Variants in ERC1 observed in about 807,000 individuals in gnomAD.
ERC1 encodes the protein ELKS/RAB6-interacting/CAST family member 1.
A neutral mutation model predicts 132.0 loss-of-function variants in ERC1; 56 were observed. That is an observed-to-expected ratio of 0.42 (90% confidence interval 0.34 to 0.53). The LOEUF is 0.53. Ranked by LOEUF, ERC1 falls within the 20% of genes least tolerant of loss-of-function variation. The pLI, the probability that ERC1 is intolerant of heterozygous loss-of-function variation, is 0.03. For synonymous variants in ERC1, 478 were observed against 476.1 expected (o/e 1.00, Z -0.05); for missense variants, 1,202 against 1,349.9 (o/e 0.89, Z 1.72).
At chr12:1,317,377 G>A (rs1391166393) in intron 15 of ERC1, among the ~76,000 whole-genome samples, 1 of 151,530 alleles carries the variant, frequency 6.6e-6, no homozygotes, top group Non-Finnish European at 1.5e-5. Flanking sequence ...ACACAGGGAG[G>A]GGAACATCAC....
At chr12:1,050,743 A>G in intron 2 of ERC1, among the ~76,000 whole-genome samples, 1 of 152,162 alleles carries the variant, frequency 6.6e-6, no homozygotes, top group African/African-American at 2.4e-5. Context: ...CTATTAAGAA[A>G]AAGGTCAGGC....
intron 12 of ERC1, among the ~76,000 whole-genome samples, chr12:1,223,859 G>T (rs1485589953): frequency 5.3e-5 from 8 of 152,062 alleles, no homozygotes; most frequent in Admixed American, 3.3e-4. Context: ...ATTAGTTCAG[G>T]CAAAACAGCA....
intron 2 of ERC1, among the ~76,000 whole-genome samples, chr12:1,056,176 A>C (rs1465037769): frequency 6.6e-6 from 1 of 151,894 alleles, no homozygotes; most frequent in Non-Finnish European, 1.5e-5. Flanking sequence ...TAGGATTATT[A>C]ATTTTTCTTT....
chr12:1,440,926 A>C (rs180791229), intron 17 of ERC1, among the ~76,000 whole-genome samples: 4 of 151,944 alleles, frequency 2.6e-5, no homozygotes, highest in African/African-American at 4.8e-5. Context: ...AATTACAGGC[A>C]TGAGCCACCA....
At chr12:1,189,817 AC>A (rs1445805853) in intron 11 of ERC1, 41 bp from the exon 12 acceptor site, 6 of 1,498,272 alleles carry the variant, frequency 4.0e-6, no homozygotes, top group Non-Finnish European at 5.4e-6. Flanking sequence ...GCCCATTGCC[AC>A]CTGTGTGTAT....
At chr12:1,350,579 G>A (rs12423105) in intron 15 of ERC1, among the ~76,000 whole-genome samples, 67,595 of 151,992 alleles carry the variant, frequency 0.44, 15,741 homozygotes, top group African/African-American at 0.56. Flanking sequence ...CCATAAATCC[G>A]TGAAGTCAGG....
intron 15 of ERC1, among the ~76,000 whole-genome samples, chr12:1,296,203 C>T (rs78223056): frequency 3.3e-5 from 5 of 151,770 alleles, no homozygotes; most frequent in African/African-American, 1.2e-4. Context: ...TGGTGCACAC[C>T]TATAGTCCCA....
rs61913146 is a variant in ERC1 at position 1,400,966 on chromosome 12, T to C, written c.2926-7183T>C. ...TTTTTTTTTTTTTGTGACGGAGTCT[T>C]GCTCTATCGCCCAGGCTGGAGTGCA... On this transcript the variant is annotated intron_variant, in intron 16 of 18. Transcript: ENST00000360905. Among the ~76,000 whole-genome samples, 42 of 108,278 alleles carry C rather than the reference T, an allele frequency of 3.9e-4. 1 individual carries two copies. The highest frequency in any genetic ancestry group is 1.3e-3 in the East Asian group (5 of 3,936). 71.0% of individuals were successfully genotyped at this position (108,278 alleles called of 152,430 possible).
intron 15 of ERC1, among the ~76,000 whole-genome samples, chr12:1,370,089 G>A (rs2087045217): frequency 6.6e-6 from 1 of 152,156 alleles, no homozygotes; most frequent in South Asian, 2.1e-4. Context: ...CTCAGATTCA[G>A]CATTTCCTCA....
At chr12:1,171,559 A>G (rs1395886141) in intron 8 of ERC1, among the ~76,000 whole-genome samples, 1 of 152,114 alleles carries the variant, frequency 6.6e-6, no homozygotes, top group Non-Finnish European at 1.5e-5. Flanking sequence ...TCTGCCATCA[A>G]TACTGAAAGG....
At chr12:1,220,541 G>A (rs1958879950) in intron 12 of ERC1, among the ~76,000 whole-genome samples, 1 of 152,154 alleles carries the variant, frequency 6.6e-6, no homozygotes, top group Admixed American at 6.6e-5. Context: ...GTGTTTTTGA[G>A]CAATTCTTTT....
intron 12 of ERC1, among the ~76,000 whole-genome samples, chr12:1,220,593 C>T (rs1958883559): frequency 6.6e-6 from 1 of 152,202 alleles, no homozygotes; most frequent in Non-Finnish European, 1.5e-5. Flanking sequence ...ATGAAAAAGA[C>T]TTTTCCAGTG....
At position 1,028,004 on chromosome 12, in the gene ERC1, G is replaced by A. The variant is rs745911310; in HGVS notation, c.101G>A (p.Arg34Gln). The A allele has an allele frequency of 3.1e-6, 5 of 1,614,104 alleles. No individual in the cohort carries two copies. The highest frequency in any genetic ancestry group is 3.4e-6 in the Non-Finnish European group (4 of 1,180,022). Residue 34 changes from arginine to glutamine, a missense_variant, in exon 2 of 19, where the codon CGA becomes CAA. Arg to Gln is a conservative substitution (Grantham distance 43). Coordinates refer to ENST00000360905, the MANE Select transcript of ERC1 (RefSeq NM_178040.4). ...LPRSPRLGHR[R>Q]TNSTGGSSGS... ...CGTTCCCCTCGCTTGGGTCACCGTC[G>A]AACCAACAGTACGGGAGGGAGTTCG...
chr12:1,063,304 A>C (rs1482612182), intron 2 of ERC1, among the ~76,000 whole-genome samples: 1 of 151,554 alleles, frequency 6.6e-6, no homozygotes, highest in Non-Finnish European at 1.5e-5. Context: ...TCTGTCGCCC[A>C]GGCTGTAGTG....
intron 12 of ERC1, among the ~76,000 whole-genome samples, chr12:1,197,083 C>T (rs1594144414): frequency 6.7e-6 from 1 of 149,948 alleles, no homozygotes; most frequent in Non-Finnish European, 1.5e-5. Flanking sequence ...CGGGCTCAAG[C>T]GATTCTTGTG....
At chr12:1,301,700 G>A (rs1279875792) in intron 15 of ERC1, among the ~76,000 whole-genome samples, 1 of 152,048 alleles carries the variant, frequency 6.6e-6, no homozygotes, top group African/African-American at 2.4e-5. Flanking sequence ...AGAGGATCAG[G>A]AAAAATGACT....
chr12:1,194,612 C>T (rs1956049207), intron 12 of ERC1, among the ~76,000 whole-genome samples: 1 of 151,964 alleles, frequency 6.6e-6, no homozygotes, highest in Non-Finnish European at 1.5e-5. Flanking sequence ...TATAATTTTG[C>T]TTTTTAATGT....
chr12:1,362,464 C>G (rs936324275), intron 15 of ERC1, among the ~76,000 whole-genome samples: 4 of 152,090 alleles, frequency 2.6e-5, no homozygotes, highest in Admixed American at 6.5e-5. Context: ...CTCTCTCTCT[C>G]TCTCTGTCTC....
At chr12:1,212,922 ATATTTGTC>A (rs1249566838) in intron 12 of ERC1, among the ~76,000 whole-genome samples, 1 of 152,176 alleles carries the variant, frequency 6.6e-6, no homozygotes, top group East Asian at 1.9e-4. Flanking sequence ...ATTTAATGAA[ATATTTGTC>A]TATTTAATGA....
Sources: gnomAD v4.1 joint callset for allele counts (sites outside exome capture counted in the v4.1 genomes callset) on GRCh38, gnomAD v4.1.1 for gene constraint, MANE v1.5 for transcripts, NCBI Gene and HGNC (gene_info 2026-07-23, HGNC 2026-07-21) for gene names.